The following MMP24 variants were observed in gnomAD, a reference collection of about 807,000 sequenced individuals.
The protein encoded by MMP24 is matrix metallopeptidase 24.
Under a neutral mutation model 62.8 loss-of-function variants are expected in MMP24, and 25 were observed. The ratio of observed to expected loss-of-function variants is 0.40; its 90% CI spans 0.29 to 0.56. The LOEUF is 0.56. Among genes scored for constraint, MMP24 ranks in the 20% least tolerant of loss-of-function variants. MMP24 has a pLI of 0.50. For synonymous variants in MMP24, 319 were observed against 350.5 expected, an observed-to-expected ratio of 0.91 and a Z score of 1.00; for missense variants, 634 against 853.6, an observed-to-expected ratio of 0.74 and a Z score of 3.21.
At chr20:35,229,342 CA>C (rs1316712920) in intron 1 of MMP24, among the ~76,000 whole-genome samples, 2 of 152,176 alleles carry the variant, frequency 1.3e-5, no homozygotes, top group African/African-American at 4.8e-5. Flanking sequence ...TTAAGTGAGA[CA>C]GGTCCCAGCA....
At chr20:35,259,259 C>T (rs1044759060) in intron 4 of MMP24, among the ~76,000 whole-genome samples, 1 of 152,144 alleles carries the variant, frequency 6.6e-6, no homozygotes, top group Non-Finnish European at 1.5e-5. Context: ...CCAGGTGTGA[C>T]CCCAGGACTC....
chr20:35,266,901 C>G (rs545689124), intron 5 of MMP24, among the ~76,000 whole-genome samples: 1 of 151,782 alleles, frequency 6.6e-6, no homozygotes, highest in Non-Finnish European at 1.5e-5. Context: ...GGGGCCAGTG[C>G]GTGTGAAGGG....
At chr20:35,236,840 G>A (rs962393098) in intron 1 of MMP24, among the ~76,000 whole-genome samples, 4 of 152,168 alleles carry the variant, frequency 2.6e-5, no homozygotes, top group African/African-American at 7.2e-5. Flanking sequence ...CGGGCATGGT[G>A]GCGTGCACCT....
At chr20:35,266,300 T>C (rs1263429783) in intron 5 of MMP24, among the ~76,000 whole-genome samples, 5 of 145,670 alleles carry the variant, frequency 3.4e-5, no homozygotes, top group Middle Eastern at 3.6e-3. Context: ...TGCAGTGAGC[T>C]TAGATCACGC....
In MMP24 at chr20:35,263,969, G is replaced by T; in HGVS notation, c.979+17G>T. 1 of 1,584,850 alleles carries T rather than the reference G, an allele frequency of 6.3e-7. No individual in the cohort carries two copies. ...AGATCTATGGTGTGTGGCAGGGAGAGGGGGGACTGCTCCTTCCTCGGGGCT... is the reference window on the plus strand; with the variant it reads ...AGATCTATGGTGTGTGGCAGGGAGATGGGGGACTGCTCCTTCCTCGGGGCT... On this transcript the variant is annotated intron_variant, in intron 5 of 8. Coordinates refer to ENST00000246186, the MANE Select transcript of MMP24 (RefSeq NM_006690.4).
intron 1 of MMP24, among the ~76,000 whole-genome samples, chr20:35,245,718 G>A (rs578171683): frequency 2.0e-5 from 3 of 151,722 alleles, no homozygotes; most frequent in East Asian, 1.9e-4. Flanking sequence ...CAAAGTGCTG[G>A]GATTTTAGGC....
In MMP24 at chr20:35,242,697, C is replaced by T. The variant is rs572953863; in HGVS notation, c.247-4143C>T. ...TAATTCCATTTAGCCGTCGTTTCTC[C>T]GTATCCACTCAGCACCAGGCCCTAT... On this transcript the variant is annotated intron_variant, in intron 1 of 8. Coordinates refer to ENST00000246186, the MANE Select transcript of MMP24 (RefSeq NM_006690.4). Among the ~76,000 whole-genome samples the T allele has an allele frequency of 3.9e-5, 6 of 152,290 alleles. No homozygotes were observed. In the East Asian group the frequency reaches 1.2e-3, roughly 29 times the overall value.
intron 1 of MMP24, among the ~76,000 whole-genome samples, chr20:35,231,456 A>G (rs2060436882): frequency 6.7e-6 from 1 of 149,850 alleles, no homozygotes. Context: ...TCTTGTCTGG[A>G]AAAAAAAAAC....
At position 35,244,676 on chromosome 20, in the gene MMP24, G is replaced by A. The variant is rs555505042; in HGVS notation, c.247-2164G>A. ...GCTGGTCTCGAACTCCTGACCTCAG[G>A]TGATCCACCCACCTTGGCCTTCCAA... On this transcript the variant is annotated intron_variant, in intron 1 of 8. Transcript: ENST00000246186. 5.3e-5 allele frequency among the ~76,000 whole-genome samples: 8 copies of A among 152,274 alleles called. No homozygotes were observed. In the South Asian group the frequency reaches 1.7e-3, roughly 32 times the overall value.
In MMP24 at chr20:35,276,029, G is replaced by A. The variant is rs2060703434; in HGVS notation, c.*1420G>A. ...GTTCATCAATGCCCACTGGCTCTCT[G>A]CCAAAGCCAAAAAGGTGTCAGGCAG... On this transcript the variant is annotated 3_prime_UTR_variant, in exon 9 of 9. Transcript: ENST00000246186. The A allele has an allele frequency of 7.5e-6, 3 of 398,538 alleles. No homozygotes were observed. The highest frequency in any genetic ancestry group is 4.4e-5 in the Admixed American group (1 of 22,720). The allele number at this position is 398,538 out of a possible 1,614,324, so 24.7% of individuals were successfully genotyped here.
At chr20:35,239,087 G>A (rs1036686211) in intron 1 of MMP24, among the ~76,000 whole-genome samples, 8 of 146,528 alleles carry the variant, frequency 5.5e-5, no homozygotes, top group African/African-American at 1.8e-4. Context: ...TTGCTCTGTC[G>A]CCAGGCTGGG....
At chr20:35,262,623 C>T (rs2060609903) in intron 4 of MMP24, 1 of 147,846 alleles carries the variant, frequency 6.8e-6, no homozygotes, top group Non-Finnish European at 1.5e-5. Context: ...GTCTCAACTG[C>T]AAGAGGCATT....
intron 3 of MMP24, 95 bp downstream of exon 3, chr20:35,252,116 C>T (rs1419221414): frequency 9.7e-7 from 1 of 1,033,238 alleles, no homozygotes; most frequent in Admixed American, 1.9e-5. Context: ...GTAGGGGGGC[C>T]TGGGGATCAG....
intron 1 of MMP24, among the ~76,000 whole-genome samples, chr20:35,234,084 T>C (rs751805619): frequency 1.3e-5 from 2 of 152,180 alleles, no homozygotes; most frequent in African/African-American, 2.4e-5. Flanking sequence ...ATTCTCCCCA[T>C]TGGTCACTAG....
chr20:35,228,296 AT>A (rs1430129817), intron 1 of MMP24, among the ~76,000 whole-genome samples: 2 of 152,210 alleles, frequency 1.3e-5, no homozygotes, highest in African/African-American at 4.8e-5. Flanking sequence ...CAAAAAAGAT[AT>A]GGTGTGTAAA....
rs1475897092 is a variant in MMP24, at chr20:35,276,251, GTCA to G, written c.*1648_*1650del. On this transcript the variant is annotated 3_prime_UTR_variant, in exon 9 of 9. Coordinates refer to ENST00000246186, the MANE Select transcript of MMP24 (RefSeq NM_006690.4). ...CCCATGTGGGTCCGCTGTGTCCCCT[GTCA>G]TCATCCTTGTTTTTTCTCATTTTGG... 7.5e-6 allele frequency: 3 copies of G among 398,936 alleles called. No homozygotes were observed. Among genetic ancestry groups the G allele is most frequent in the Non-Finnish European group, 1.3e-5 (3 of 226,108 alleles). The allele number at this position is 398,936 out of a possible 1,614,324, so 24.7% of individuals were successfully genotyped here.
intron 6 of MMP24, among the ~76,000 whole-genome samples, chr20:35,268,843 T>C (rs142030405): frequency 0.077 from 11,707 of 152,052 alleles, 1,464 homozygotes; most frequent in African/African-American, 0.26. Flanking sequence ...CTGGCTAACA[T>C]GGTGAAACCC....
At chr20:35,257,929 G>T (rs2060582839) in intron 4 of MMP24, among the ~76,000 whole-genome samples, 1 of 152,174 alleles carries the variant, frequency 6.6e-6, no homozygotes, top group African/African-American at 2.4e-5. Context: ...GAGAGGCAAG[G>T]AACCAAAATT....
intron 6 of MMP24, 146 bp downstream of exon 6, chr20:35,267,565 G>T (rs993783529): frequency 1.2e-6 from 1 of 834,048 alleles, no homozygotes; most frequent in African/African-American, 1.7e-5. Flanking sequence ...AGGGCATGGG[G>T]TCTCTTCCTA....
Sources: allele counts gnomAD v4.1 joint callset (sites outside exome capture counted in the v4.1 genomes callset), GRCh38; gene constraint gnomAD v4.1.1; transcripts MANE v1.5; gene names NCBI Gene and HGNC (gene_info 2026-07-23, HGNC 2026-07-21).